The following GALNT17 variants were observed in gnomAD, a reference collection of about 807,000 sequenced individuals.
GALNT17 encodes polypeptide N-acetylgalactosaminyltransferase 17, also known as UDP-GalNAc:polypeptide N-acetylgalactosaminyltransferase-like 3.
GALNT17 carries 29 observed loss-of-function variants against 63.7 expected under a neutral mutation model. The observed-to-expected ratio is 0.46, with a 90% CI of 0.34 to 0.62. GALNT17 has a LOEUF of 0.62. Among genes scored for constraint, GALNT17 ranks in the 20% least tolerant of loss-of-function variants. The probability of loss-of-function intolerance (pLI) is 0.01; values close to 1 mark genes in which losing one functional copy is unlikely to be tolerated. For synonymous variants in GALNT17, 305 were observed against 318.3 expected (o/e 0.96, Z 0.45); for missense variants, 603 against 799.6 (o/e 0.75, Z 2.97).
intron 1 of GALNT17, among the ~76,000 whole-genome samples, chr7:71,137,749 A>G (rs898469249): frequency 1.3e-5 from 2 of 152,200 alleles, no homozygotes; most frequent in African/African-American, 4.8e-5. Context: ...GGCCCTCGGA[A>G]GTGAGCCAGG....
At chr7:71,408,593 G>T (rs562463896) in intron 3 of GALNT17, among the ~76,000 whole-genome samples, 18 of 152,324 alleles carry the variant, frequency 1.2e-4, no homozygotes, top group Non-Finnish European at 2.1e-4. Context: ...GCCAAGCTTG[G>T]TGGCTCACAT....
At chr7:71,524,678 T>C (rs2116762378) in intron 5 of GALNT17, among the ~76,000 whole-genome samples, 1 of 152,358 alleles carries the variant, frequency 6.6e-6, no homozygotes, top group Admixed American at 6.5e-5. Context: ...TGAGAATGAC[T>C]TACTGTAGGT....
chr7:71,186,081 T>G (rs1788845357), intron 1 of GALNT17, among the ~76,000 whole-genome samples: 1 of 152,184 alleles, frequency 6.6e-6, no homozygotes, highest in African/African-American at 2.4e-5. Flanking sequence ...ATTACTCCAT[T>G]TAGGTTTTCC....
chr7:71,253,330 A>T (rs1225358509), intron 1 of GALNT17, among the ~76,000 whole-genome samples: 1 of 151,942 alleles, frequency 6.6e-6, no homozygotes, highest in Non-Finnish European at 1.5e-5. Flanking sequence ...AGAAGGGGAA[A>T]CCCCTTATAA....
chr7:71,240,505 C>CT (rs1467859532), intron 1 of GALNT17, among the ~76,000 whole-genome samples: 1 of 152,112 alleles, frequency 6.6e-6, no homozygotes, highest in Non-Finnish European at 1.5e-5. Context: ...TTAGATCCCA[C>CT]TTATAAGTGA....
intron 1 of GALNT17, among the ~76,000 whole-genome samples, chr7:71,138,858 C>T (rs191351974): frequency 6.6e-6 from 1 of 152,256 alleles, no homozygotes; most frequent in East Asian, 1.9e-4. Context: ...GCCTGTAATC[C>T]CAGCTACTCT....
intron 1 of GALNT17, among the ~76,000 whole-genome samples, chr7:71,159,647 G>C (rs1288554544): frequency 6.8e-6 from 1 of 147,894 alleles, no homozygotes; most frequent in South Asian, 2.2e-4. Context: ...GAGCAGAAAC[G>C]GGCAGACCTA....
At chr7:71,418,184 C>G (rs1254993651) in intron 4 of GALNT17, among the ~76,000 whole-genome samples, 2 of 152,160 alleles carry the variant, frequency 1.3e-5, no homozygotes, top group African/African-American at 4.8e-5. Flanking sequence ...CTCAAGTCTA[C>G]AGTCTAATTC....
chr7:71,546,757 A>G (rs1788991904), intron 5 of GALNT17, among the ~76,000 whole-genome samples: 1 of 152,076 alleles, frequency 6.6e-6, no homozygotes, highest in Admixed American at 6.6e-5. Flanking sequence ...CGGTAAAGGG[A>G]ATGGTCCATA....
intron 1 of GALNT17, among the ~76,000 whole-genome samples, chr7:71,216,533 C>T (rs1007917202): frequency 1.3e-5 from 2 of 151,944 alleles, no homozygotes; most frequent in Non-Finnish European, 2.9e-5. Flanking sequence ...AACACACACA[C>T]ATATACGTAT....
In GALNT17 at chr7:71,712,085, T is replaced by C. The variant is rs769491628; in HGVS notation, c.1736T>C (p.Ile579Thr). Residue 579 changes from isoleucine to threonine, a missense_variant, in exon 11 of 11, where the codon ATC becomes ACC. Ile to Thr is a moderately conservative substitution (Grantham distance 89, BLOSUM62 -1). Transcript: ENST00000333538. ...GTGGAGAACCGGGGCCTGGCTGGCA[T>C]CGACCTCATCCTCCGCAGCTGCACA... ...LEVENRGLAG[I>T]DLILRSCTGQ... 12 of 1,614,052 alleles carry C rather than the reference T, an allele frequency of 7.4e-6. No individual in the cohort carries two copies. The highest frequency in any genetic ancestry group is 9.3e-6 in the Non-Finnish European group (11 of 1,179,978).
At chr7:71,565,845 CT>C (rs71738437) in intron 5 of GALNT17, among the ~76,000 whole-genome samples, 56,402 of 127,556 alleles carry the variant, frequency 0.44, 11,013 homozygotes, top group African/African-American at 0.54. Flanking sequence ...CTTCTCTTTT[CT>C]TTTTTTTTTT....
intron 9 of GALNT17, among the ~76,000 whole-genome samples, chr7:71,702,373 T>C (rs1791664241): frequency 6.6e-6 from 1 of 152,086 alleles, no homozygotes; most frequent in African/African-American, 2.4e-5. Context: ...GGAGCAGGCA[T>C]GGACGGTTCA....
At chr7:71,335,225 G>A (rs1014328876) in intron 1 of GALNT17, among the ~76,000 whole-genome samples, 1 of 152,058 alleles carries the variant, frequency 6.6e-6, no homozygotes, top group African/African-American at 2.4e-5. Flanking sequence ...TCTGTCTCCT[G>A]GGCTCAAGAG....
At chr7:71,680,521 TCCCTTCCTCCCTCCCTCC>T (rs1791235946) in intron 9 of GALNT17, among the ~76,000 whole-genome samples, 1 of 41,332 alleles carries the variant, frequency 2.4e-5, no homozygotes, top group Non-Finnish European at 6.4e-5. Flanking sequence ...CCTCCCTCTC[TCCCTTCCTCCCTCCCTCC>T]CTTCCTCCCT....
chr7:71,321,894 C>A (rs185737177), intron 1 of GALNT17, among the ~76,000 whole-genome samples: 2 of 92,350 alleles, frequency 2.2e-5, no homozygotes, highest in East Asian at 6.0e-4. Flanking sequence ...TTCCTTCCTT[C>A]CTTCCTTCCT....
At position 71,349,190 on chromosome 7, in the gene GALNT17, A is replaced by T. The variant is rs577190574; in HGVS notation, c.422+13457A>T. 1.1e-4 allele frequency among the ~76,000 whole-genome samples: 17 copies of T among 152,332 alleles called. No individual in the cohort carries two copies. The Middle Eastern group carries it at 0.014, about 122-fold the overall frequency. On this transcript the variant is annotated intron_variant, in intron 2 of 10. Transcript: ENST00000333538. ...TTGTTCTTGGTTTGTGAGTACAGTA[A>T]ACATTCTCCAAGTGGCAGCAGGAGA... is the stretch of plus-strand genomic sequence containing the variant.
chr7:71,411,340 G>A (rs925013053), intron 3 of GALNT17, among the ~76,000 whole-genome samples: 2 of 151,926 alleles, frequency 1.3e-5, no homozygotes, highest in Non-Finnish European at 2.9e-5. Flanking sequence ...GGCTGGTCTC[G>A]AACTCCTGAG....
chr7:71,629,438 T>C (rs1391225053), intron 6 of GALNT17, among the ~76,000 whole-genome samples: 1 of 152,142 alleles, frequency 6.6e-6, no homozygotes, highest in Non-Finnish European at 1.5e-5. Context: ...GGGAGCTGGT[T>C]TTGGGATCCC....
Sources: allele counts gnomAD v4.1 joint callset (sites outside exome capture counted in the v4.1 genomes callset), GRCh38; gene constraint gnomAD v4.1.1; transcripts MANE v1.5; gene names NCBI Gene and HGNC (gene_info 2026-07-23, HGNC 2026-07-21).